Variants in TLK1 observed in about 807,000 individuals in gnomAD.
TLK1 encodes the protein tousled like kinase 1.
A neutral mutation model predicts 105.3 loss-of-function variants in TLK1; 24 were observed. The observed-to-expected ratio is 0.23, with a 90% CI of 0.17 to 0.32. The LOEUF is 0.32. TLK1 is among the 10% of genes least tolerant of loss of function. The probability of loss-of-function intolerance (pLI) is 1.00; values close to 1 mark genes in which losing one functional copy is unlikely to be tolerated. For synonymous variants in TLK1, 321 were observed against 310.4 expected, an observed-to-expected ratio of 1.03 and a Z score of -0.36; for missense variants, 558 against 910.5, an observed-to-expected ratio of 0.61 and a Z score of 4.98.
chr2:171,057,788 T>G (rs969206957), intron 5 of TLK1, among the ~76,000 whole-genome samples: 1 of 152,084 alleles, frequency 6.6e-6, no homozygotes, highest in Non-Finnish European at 1.5e-5. Context: ...CCTAGTGTTC[T>G]ATTATTGCTC....
intron 1 of TLK1, among the ~76,000 whole-genome samples, chr2:171,203,056 C>A (rs1436102432): frequency 6.6e-6 from 1 of 151,586 alleles, no homozygotes; most frequent in African/African-American, 2.4e-5. Context: ...TTAATTCTTC[C>A]AATTAATTTC....
At chr2:171,080,069 C>A (rs553597880) in intron 3 of TLK1, among the ~76,000 whole-genome samples, 12 of 151,548 alleles carry the variant, frequency 7.9e-5, no homozygotes, top group Non-Finnish European at 1.8e-4. Context: ...CGGTGGCTTA[C>A]GCCTATAATC....
intron 10 of TLK1, among the ~76,000 whole-genome samples, chr2:171,047,473 C>T (rs1196444883): frequency 1.3e-5 from 2 of 152,156 alleles, no homozygotes; most frequent in African/African-American, 4.8e-5. Flanking sequence ...ACACACATCC[C>T]CTTCCCTATG....
At chr2:171,093,402 A>ACCTTGACATTCTGGTCATTGAATG (rs1689321323) in intron 2 of TLK1, among the ~76,000 whole-genome samples, 1 of 152,218 alleles carries the variant, frequency 6.6e-6, no homozygotes, top group Admixed American at 6.5e-5. Flanking sequence ...GTGATACCTG[A>ACCTTGACATTCTGGTCATTGAATG]TCTGACCTTG....
chr2:171,033,977 C>T (rs1686191401), intron 11 of TLK1, among the ~76,000 whole-genome samples: 1 of 150,662 alleles, frequency 6.6e-6, no homozygotes, highest in South Asian at 2.1e-4. Context: ...AGACATTTCT[C>T]CAAACAAGAT....
chr2:171,165,050 A>G (rs552525478), upstream of TLK1, among the ~76,000 whole-genome samples: 2 of 152,264 alleles, frequency 1.3e-5, no homozygotes, highest in East Asian at 3.9e-4. Context: ...TTCAGACAGA[A>G]AGAGACACGT....
chr2:171,001,552 C>A (rs965471642), intron 18 of TLK1, among the ~76,000 whole-genome samples: 2 of 152,170 alleles, frequency 1.3e-5, no homozygotes, highest in Non-Finnish European at 2.9e-5. Flanking sequence ...CCAGAGTTAG[C>A]AGCTTTATAG....
At chr2:171,197,251 G>A (rs1693292833) in intron 1 of TLK1, among the ~76,000 whole-genome samples, 1 of 152,054 alleles carries the variant, frequency 6.6e-6, no homozygotes, top group African/African-American at 2.4e-5. Context: ...ATACTTGACA[G>A]ATAATCTCTG....
At chr2:171,129,835 CATAACAT>C (rs1691023577) in intron 1 of TLK1, among the ~76,000 whole-genome samples, 1 of 89,052 alleles carries the variant, frequency 1.1e-5, no homozygotes. Flanking sequence ...TACCAAATAA[CATAACAT>C]AACATAACAT....
rs1683853151 is a variant in TLK1 at position 170,993,066 on chromosome 2, A to G, written c.*714T>C. 1 of 152,662 alleles carries G rather than the reference A, an allele frequency of 6.6e-6. No individual in the cohort carries two copies. Among genetic ancestry groups the G allele is most frequent in the African/African-American group, 2.4e-5 (1 of 41,468 alleles). The allele number at this position is 152,662 out of a possible 1,614,324, so 9.5% of individuals were successfully genotyped here. ...GCAATATTATAATTTAGTGAATTCA[A>G]CTGATTTCAACACAAGCAGCTCATT... On this transcript the variant is annotated 3_prime_UTR_variant, in exon 21 of 21. Transcript: ENST00000431350.
At chr2:171,150,563 T>C (rs780924220) in intron 1 of TLK1, among the ~76,000 whole-genome samples, 4 of 152,118 alleles carry the variant, frequency 2.6e-5, no homozygotes, top group Non-Finnish European at 5.9e-5. Context: ...CAATGATTGG[T>C]TAAGGAACTG....
chr2:171,116,862 T>C (rs762809375), intron 2 of TLK1, among the ~76,000 whole-genome samples: 39 of 152,220 alleles, frequency 2.6e-4, no homozygotes, highest in Non-Finnish European at 5.0e-4. Flanking sequence ...TTAGTACAAC[T>C]GTTCTGAATA....
chr2:171,082,862 A>T lies in TLK1; in HGVS notation c.259-10T>A. The T allele has an allele frequency of 6.3e-7, 1 of 1,592,874 alleles. No individual in the cohort carries two copies. On this transcript the variant is annotated splice_polypyrimidine_tract_variant and intron_variant, in intron 2 of 20. Coordinates refer to ENST00000431350, the MANE Select transcript of TLK1 (RefSeq NM_012290.5). Reference sequence around the variant, plus strand: ...CGTTATTTGTTGAGGCCTGTTAAAGATTTTTTAAAAGGTAAAAATTAGGAG... The same window carrying T: ...CGTTATTTGTTGAGGCCTGTTAAAGTTTTTTTAAAAGGTAAAAATTAGGAG...
intron 11 of TLK1, among the ~76,000 whole-genome samples, chr2:171,028,950 G>GA (rs1295599570): frequency 3.4e-4 from 1 of 2,910 alleles, no homozygotes; most frequent in Non-Finnish European, 4.4e-3. Context: ...TTAGAGAGGT[G>GA]ACCATCTAAA....
At chr2:171,015,769 T>C (rs182643355) in intron 12 of TLK1, among the ~76,000 whole-genome samples, 66 of 151,042 alleles carry the variant, frequency 4.4e-4, no homozygotes, top group African/African-American at 1.4e-3. Context: ...TGAATACTAC[T>C]TAAAAAATGG....
chr2:171,139,471 G>A (rs1303077766), intron 1 of TLK1, among the ~76,000 whole-genome samples: 1 of 151,932 alleles, frequency 6.6e-6, no homozygotes, highest in Non-Finnish European at 1.5e-5. Context: ...GGTGGCACAC[G>A]AGTCCCAGCT....
chr2:171,031,090 A>T (rs560955967), intron 11 of TLK1, among the ~76,000 whole-genome samples: 47 of 151,854 alleles, frequency 3.1e-4, no homozygotes, highest in African/African-American at 1.0e-3. Context: ...TAATTTTGGG[A>T]TTCACAAATC....
chr2:171,067,594 T>C (rs1488807621), intron 3 of TLK1, among the ~76,000 whole-genome samples: 1 of 151,890 alleles, frequency 6.6e-6, no homozygotes, highest in Non-Finnish European at 1.5e-5. Context: ...TGTTACTATT[T>C]TTCTCTATAC....
intron 1 of TLK1, among the ~76,000 whole-genome samples, chr2:171,223,372 T>C (rs1278043097): frequency 2.0e-5 from 3 of 152,188 alleles, no homozygotes; most frequent in Non-Finnish European, 4.4e-5. Context: ...CTCATTGTAG[T>C]TTTGATTTGC....
Sources: gnomAD v4.1 joint callset for allele counts (sites outside exome capture counted in the v4.1 genomes callset) on GRCh38, gnomAD v4.1.1 for gene constraint, MANE v1.5 for transcripts, NCBI Gene and HGNC (gene_info 2026-07-23, HGNC 2026-07-21) for gene names.